The following PSEN1 variants were observed in gnomAD, a reference collection of about 807,000 sequenced individuals.
PSEN1 encodes the protein presenilin 1, also known as presenilin-1.
Under a neutral mutation model 53.5 loss-of-function variants are expected in PSEN1, and 15 were observed. The observed-to-expected ratio is 0.28, with a 90% CI of 0.19 to 0.43. PSEN1 has a LOEUF of 0.43. Ranked by LOEUF, PSEN1 falls within the 20% of genes least tolerant of loss-of-function variation. The probability of loss-of-function intolerance (pLI) is 1.00; values close to 1 mark genes in which losing one functional copy is unlikely to be tolerated. For missense variants in PSEN1, 387 were observed against 571.2 expected (o/e 0.68, Z 3.29); for synonymous variants, 208 against 209.8 (o/e 0.99, Z 0.08).
intron 5 of PSEN1, 42 bp from the exon 6 acceptor site, chr14:73,186,811 T>G: frequency 1.3e-6 from 2 of 1,495,950 alleles, no homozygotes; most frequent in Non-Finnish European, 9.3e-7. Context: ...TTTTTAAGGG[T>G]TGTGGGACCT....
intron 1 of PSEN1, chr14:73,138,191 A>ATTATTTATTTAT (rs201362969): frequency 7.0e-6 from 1 of 143,230 alleles, no homozygotes; most frequent in Non-Finnish European, 1.5e-5. Context: ...TAAACATACT[A>ATTATTTATTTAT]TTATTTATTT....
chr14:73,140,207 T>G lies in PSEN1; in HGVS notation c.-136+3624T>G, dbSNP rs952789953. On this transcript the variant is annotated intron_variant, in intron 1 of 11. Transcript: ENST00000324501. ...GTTTTTCTTTTTTTGCTATTCTTTT[T>G]TTTTTTTTTTTTTTTTTTTTTGAGA... Among the ~76,000 whole-genome samples the G allele has an allele frequency of 2.3e-5, 3 of 131,078 alleles. No individual in the cohort carries two copies. In the South Asian group the frequency reaches 8.0e-4, roughly 35 times the overall value. The allele number at this position is 131,078 out of a possible 152,430, so 86.0% of individuals were successfully genotyped here.
intron 5 of PSEN1, among the ~76,000 whole-genome samples, chr14:73,180,602 A>G (rs1264746851): frequency 6.6e-6 from 1 of 152,216 alleles, no homozygotes; most frequent in Non-Finnish European, 1.5e-5. Context: ...AAGGCAGTTA[A>G]TTATTATACA....
intron 8 of PSEN1, among the ~76,000 whole-genome samples, chr14:73,200,053 T>G (rs1182724659): frequency 6.6e-6 from 1 of 152,152 alleles, no homozygotes; most frequent in Non-Finnish European, 1.5e-5. Flanking sequence ...GGCCACTGCT[T>G]TGTTAATGCT....
intron 1 of PSEN1, among the ~76,000 whole-genome samples, chr14:73,147,230 C>CGCCT (rs1166508397): frequency 6.6e-6 from 1 of 152,062 alleles, no homozygotes; most frequent in Non-Finnish European, 1.5e-5. Flanking sequence ...GTGATCCGCC[C>CGCCT]GCCTTGGCCT....
chr14:73,149,789 T>C (rs1897166486), intron 3 of PSEN1, among the ~76,000 whole-genome samples: 1 of 152,242 alleles, frequency 6.6e-6, no homozygotes, highest in African/African-American at 2.4e-5. Flanking sequence ...TAGTTGACAT[T>C]GTTGTTTAAC....
Position 73,211,940 on chromosome 14 carries a change from A to C in PSEN1, c.1127A>C (p.Glu376Ala). ...ATCCTCGCTGGTGAAGACCCAGAGG[A>C]AAGTATGTGCATTTCTCTATGTTGC... ...SSILAGEDPEERGVKLGLGDF... is the reference protein window; with the variant it reads ...SSILAGEDPEARGVKLGLGDF... The change falls in exon 10 of 12, where the codon GAA becomes GCA. Residue 376 changes from glutamate (E) to alanine (A), a missense_variant and splice_region_variant. Coordinates refer to ENST00000324501, the MANE Select transcript of PSEN1 (RefSeq NM_000021.4). 1.2e-6 allele frequency: 2 copies of C among 1,613,840 alleles called. No homozygotes were observed. The highest frequency in any genetic ancestry group is 1.7e-6 in the Non-Finnish European group (2 of 1,179,884).
At chr14:73,180,859 T>C (rs563459557) in intron 5 of PSEN1, among the ~76,000 whole-genome samples, 41 of 152,366 alleles carry the variant, frequency 2.7e-4, no homozygotes, top group African/African-American at 9.4e-4. Context: ...ATTTGACATA[T>C]TGACTTTGTC....
intron 8 of PSEN1, among the ~76,000 whole-genome samples, chr14:73,204,255 C>T (rs1489318855): frequency 6.6e-6 from 1 of 150,938 alleles, no homozygotes; most frequent in Non-Finnish European, 1.5e-5. Flanking sequence ...ACCTCCGACT[C>T]CCAAAGTGCT....
chr14:73,198,898 C>T (rs1307335890), intron 8 of PSEN1, among the ~76,000 whole-genome samples: 1 of 152,106 alleles, frequency 6.6e-6, no homozygotes, highest in Non-Finnish European at 1.5e-5. Context: ...CTCAGCCTCC[C>T]GAGTAGCTGT....
chr14:73,146,019 A>G (rs978294492), intron 1 of PSEN1: 3 of 152,050 alleles, frequency 2.0e-5, no homozygotes, highest in Admixed American at 1.3e-4. Flanking sequence ...AGACACGAAA[A>G]TTACTTAAAC....
intron 9 of PSEN1, among the ~76,000 whole-genome samples, chr14:73,207,053 A>G (rs1216940824): frequency 6.6e-6 from 1 of 152,136 alleles, no homozygotes; most frequent in Non-Finnish European, 1.5e-5. Flanking sequence ...GGGTGCAGTG[A>G]TGTGTGCCTG....
At chr14:73,143,524 T>C (rs1270481659) in intron 1 of PSEN1, among the ~76,000 whole-genome samples, 1 of 152,176 alleles carries the variant, frequency 6.6e-6, no homozygotes, top group African/African-American at 2.4e-5. Flanking sequence ...TCTTTAAGAC[T>C]CAAATGGAAG....
At chr14:73,217,050 G>A in intron 10 of PSEN1, 76 bp from the exon 11 acceptor site, 2 of 1,437,796 alleles carry the variant, frequency 1.4e-6, no homozygotes, top group Non-Finnish European at 2.0e-6. Context: ...GTTGAGTAGG[G>A]CAGTGATATT....
chr14:73,151,894 A>ATTTTT (rs56754992), intron 3 of PSEN1, among the ~76,000 whole-genome samples: 5 of 38,980 alleles, frequency 1.3e-4, no homozygotes, highest in Non-Finnish European at 2.0e-4. Context: ...ATATATATAT[A>ATTTTT]TTTTTTTTTT....
intron 8 of PSEN1, among the ~76,000 whole-genome samples, chr14:73,204,159 G>T (rs1388011932): frequency 6.6e-6 from 1 of 151,772 alleles, no homozygotes; most frequent in Non-Finnish European, 1.5e-5. Flanking sequence ...CCACCACACC[G>T]GGCTAATTTT....
intron 9 of PSEN1, among the ~76,000 whole-genome samples, chr14:73,209,387 C>T (rs566113957): frequency 6.6e-6 from 1 of 152,244 alleles, no homozygotes; most frequent in African/African-American, 2.4e-5. Context: ...AGAATTGCCA[C>T]AAGCCTGGCT....
chr14:73,211,953 T>A lies in PSEN1; in HGVS notation c.1129+11T>A, dbSNP rs1375055434. The A allele has an allele frequency of 3.7e-6, 6 of 1,613,902 alleles. No homozygotes were observed. The highest frequency in any genetic ancestry group is 5.1e-6 in the Non-Finnish European group (6 of 1,179,862). On this transcript the variant is annotated intron_variant, in intron 10 of 11. Coordinates refer to ENST00000324501, the MANE Select transcript of PSEN1 (RefSeq NM_000021.4). ...AAGACCCAGAGGAAAGTATGTGCATTTCTCTATGTTGCAAAGTCATGGATT... is the reference window on the plus strand; with the variant it reads ...AAGACCCAGAGGAAAGTATGTGCATATCTCTATGTTGCAAAGTCATGGATT...
At chr14:73,183,675 GA>G (rs1205470716) in intron 5 of PSEN1, among the ~76,000 whole-genome samples, 5 of 151,948 alleles carry the variant, frequency 3.3e-5, no homozygotes, top group Non-Finnish European at 7.4e-5. Flanking sequence ...AGAACAAAAT[GA>G]AAAGTCTCCC....
Sources: gnomAD v4.1 joint callset for allele counts (sites outside exome capture counted in the v4.1 genomes callset) on GRCh38, gnomAD v4.1.1 for gene constraint, MANE v1.5 for transcripts, NCBI Gene and HGNC (gene_info 2026-07-23, HGNC 2026-07-21) for gene names.